The following ITGB4 variants were observed in gnomAD, a reference collection of about 807,000 sequenced individuals.
The protein encoded by ITGB4 is integrin subunit beta 4, also known as integrin beta-4.
Under a neutral mutation model 207.6 loss-of-function variants are expected in ITGB4, and 159 were observed. That is an observed-to-expected ratio of 0.77 (90% CI 0.67 to 0.87). The LOEUF is 0.87. ITGB4 is among the 40% of genes least tolerant of loss of function. The pLI is 0.00. For synonymous variants in ITGB4, 1,020 were observed against 1,062.7 expected (o/e 0.96, Z 0.78); for missense variants, 2,278 against 2,546.8 (o/e 0.89, Z 2.27).
chr17:75,738,675 C>T lies in ITGB4; in HGVS notation c.2221-997C>T, dbSNP rs558414870. 7.2e-5 allele frequency among the ~76,000 whole-genome samples: 11 copies of T among 152,356 alleles called. No individual in the cohort carries two copies. In the South Asian group the frequency reaches 8.3e-4, roughly 11 times the overall value. ...AAGGGCCCTGCCCGCCCGCAGCTGGCGGTCACTGGGGAGAACAGACAAGAG... is the reference window on the plus strand; with the variant it reads ...AAGGGCCCTGCCCGCCCGCAGCTGGTGGTCACTGGGGAGAACAGACAAGAG... On this transcript the variant is annotated intron_variant, in intron 18 of 39. Transcript: ENST00000200181.
chr17:75,728,535 C>T, intron 6 of ITGB4, 62 bp downstream of exon 6: 15 of 1,271,668 alleles, frequency 1.2e-5, no homozygotes, highest in Non-Finnish European at 1.7e-5. Context: ...CCCCACTCCT[C>T]TTTCACCCAC....
chr17:75,723,674 G>A (rs1034410201), intron 1 of ITGB4, among the ~76,000 whole-genome samples: 1 of 152,342 alleles, frequency 6.6e-6, no homozygotes, highest in South Asian at 2.1e-4. Context: ...CCAGCACCTC[G>A]GGGACCCCAG....
chr17:75,752,567 C>T lies in ITGB4; in HGVS notation c.4098C>T (p.Ser1366=), dbSNP rs745391276. 34 of 1,613,446 alleles carry T rather than the reference C, an allele frequency of 2.1e-5. No homozygotes were observed. The highest frequency in any genetic ancestry group is 1.8e-4 in the Admixed American group (11 of 60,010). The change falls in exon 32 of 40, where the codon TCC becomes TCT. Residue 1366 remains serine, a synonymous_variant. Coordinates refer to ENST00000200181, the MANE Select transcript of ITGB4 (RefSeq NM_000213.5). ...SPSGSQRPSV[S]DDTGCGWKFE... ...CGGGCAGCCAGAGGCCCAGCGTCTCCGATGACACTGGTGAGTGGAGACCTG... is the reference window on the plus strand; with the variant it reads ...CGGGCAGCCAGAGGCCCAGCGTCTCTGATGACACTGGTGAGTGGAGACCTG...
chr17:75,756,509 G>A lies in ITGB4; in HGVS notation c.4789G>A (p.Val1597Met), dbSNP rs555823505. The A allele has an allele frequency of 2.4e-5, 39 of 1,613,294 alleles. No individual in the cohort carries two copies. The highest frequency in any genetic ancestry group is 3.3e-5 in the Admixed American group (2 of 60,020). ...VEDLLPNHSY[V>M]FRVRAQSQEG... is the part of the protein sequence containing the mutation. Reference sequence around the variant, plus strand: ...AGACCTCCTGCCCAACCACTCCTACGTGTTCCGCGTGCGGGCCCAGAGCCA... The same window carrying A: ...AGACCTCCTGCCCAACCACTCCTACATGTTCCGCGTGCGGGCCCAGAGCCA... Residue 1597 changes from valine to methionine, a missense_variant, in exon 36 of 40, where the codon GTG (valine) becomes ATG (methionine). Val to Met is a conservative substitution (Grantham distance 21, BLOSUM62 1). Coordinates refer to ENST00000200181, the MANE Select transcript of ITGB4 (RefSeq NM_000213.5).
At position 75,727,048 on chromosome 17, in the gene ITGB4, G is replaced by A. The variant is rs919409190; in HGVS notation, c.80-147G>A. On this transcript the variant is annotated intron_variant, in intron 2 of 39. Coordinates refer to ENST00000200181, the MANE Select transcript of ITGB4 (RefSeq NM_000213.5). This position sits in a 1 kb window ranked among gnomAD's most constrained non-coding sequence, Gnocchi z 6.0. ...GGATCACGCCACTGCACTCCAGCCT[G>A]GGCAACAGAGCGAGACTCTGTCTCA... The A allele has an allele frequency of 1.4e-5, 10 of 705,142 alleles. No individual in the cohort carries two copies. Among genetic ancestry groups the A allele is most frequent in the African/African-American group, 7.0e-5 (4 of 56,904 alleles). 43.7% of individuals were successfully genotyped at this position (705,142 alleles called of 1,614,324 possible).
At position 75,722,860 on chromosome 17, in the gene ITGB4, G is replaced by A. The variant is rs2060644296; in HGVS notation, c.-11+1248G>A. Among the ~76,000 whole-genome samples, 1 of 151,626 alleles carries A rather than the reference G, an allele frequency of 6.6e-6. No individual in the cohort carries two copies. Among genetic ancestry groups the A allele is most frequent in the Admixed American group, 6.6e-5 (1 of 15,202 alleles). ...TCAGGGTGGCAGTCACACACTCCAG[G>A]GACCTGCTGGTACATAAAGTCGGGG... On this transcript the variant is annotated intron_variant, in intron 1 of 39. Coordinates refer to ENST00000200181, the MANE Select transcript of ITGB4 (RefSeq NM_000213.5). This position sits in a 1 kb window ranked among gnomAD's most constrained non-coding sequence, Gnocchi z 6.2.
rs765696800 is a variant in ITGB4 at position 75,736,558 on chromosome 17, C to T, written c.1861-7C>T. 1.1e-4 allele frequency: 176 copies of T among 1,595,260 alleles called. No homozygotes were observed. Among genetic ancestry groups the T allele is most frequent in the Non-Finnish European group, 1.3e-4 (149 of 1,171,570 alleles). The stretch of plus-strand genomic sequence containing the variant: ...AGTGCCTGTCTGCCCCGCCTTTCCC[C>T]GCCAAGATCCACCCGGGCCTCTGCG... On this transcript the variant is annotated splice_region_variant and splice_polypyrimidine_tract_variant and intron_variant, in intron 15 of 39. Coordinates refer to ENST00000200181, the MANE Select transcript of ITGB4 (RefSeq NM_000213.5).
Position 75,755,773 on chromosome 17 carries a change from T to C in ITGB4, c.4631T>C (p.Leu1544Pro). Residue 1544 changes from leucine to proline, a missense_variant, in exon 35 of 40, where the codon CTC (leucine) becomes CCC (proline). Leu to Pro is a moderately conservative substitution (Grantham distance 98). Coordinates refer to ENST00000200181, the MANE Select transcript of ITGB4 (RefSeq NM_000213.5). ...TTCTCTGCCCTGGGGCCCACATCTC[T>C]CAGAGTGAGCTGGCAGGAGCCGCGG... Reference protein sequence around the residue: ...LVFSALGPTSLRVSWQEPRCE... With the variant: ...LVFSALGPTSPRVSWQEPRCE... 1 of 1,612,632 alleles carries C rather than the reference T, an allele frequency of 6.2e-7. No individual in the cohort carries two copies. The highest frequency in any genetic ancestry group is 1.1e-5 in the South Asian group (1 of 91,080).
chr17:75,726,005 G>T (rs550996063), intron 2 of ITGB4, among the ~76,000 whole-genome samples: 1 of 152,344 alleles, frequency 6.6e-6, no homozygotes, highest in East Asian at 1.9e-4. Flanking sequence ...CAGGCCAGGG[G>T]GTGGCCAGGG....
At position 75,756,476 on chromosome 17, in the gene ITGB4, G is replaced by A. The variant is rs763846014; in HGVS notation, c.4756G>A (p.Val1586Met). The A allele has an allele frequency of 1.9e-6, 3 of 1,613,368 alleles. No homozygotes were observed. The highest frequency in any genetic ancestry group is 1.7e-5 in the Admixed American group (1 of 60,014). ...NIPNPAQTSVVVEDLLPNHSY... is the reference protein window; with the variant it reads ...NIPNPAQTSVMVEDLLPNHSY... ...CCCCAACCCTGCCCAGACCTCGGTG[G>A]TGGTGGAAGACCTCCTGCCCAACCA... is the stretch of plus-strand genomic sequence containing the variant. The change falls in exon 36 of 40, where the codon GTG (valine) becomes ATG (methionine). Residue 1586 changes from valine (V) to methionine (M), a missense_variant. Coordinates refer to ENST00000200181, the MANE Select transcript of ITGB4 (RefSeq NM_000213.5).
In ITGB4 at chr17:75,754,692, C is replaced by T; in HGVS notation, c.4435C>T (p.His1479Tyr). The change falls in exon 34 of 40, where the codon CAC becomes TAC. Residue 1479 changes from histidine to tyrosine, a missense_variant. Physicochemically the swap from His to Tyr is moderately conservative, Grantham distance 83. Coordinates refer to ENST00000200181, the MANE Select transcript of ITGB4 (RefSeq NM_000213.5). Reference sequence around the variant, plus strand: ...CACCCACCTGAGCCCACACGTGCCCCACCGCGTGCTAAGCACATCCTCCAC... The same window carrying T: ...CACCCACCTGAGCCCACACGTGCCCTACCGCGTGCTAAGCACATCCTCCAC... ...YGTHLSPHVP[H>Y]RVLSTSSTLT... The T allele has an allele frequency of 9.3e-6, 15 of 1,614,150 alleles. No homozygotes were observed. The highest frequency in any genetic ancestry group is 1.2e-5 in the Non-Finnish European group (14 of 1,180,012).
Position 75,740,213 on chromosome 17 carries a change from C to A in ITGB4, c.2446+142C>A. ...CACCTTTTGCCCTGTGCTGATGGTGCTATGAACCTCATGCCTCGGTGTGCG... is the reference window on the plus strand; with the variant it reads ...CACCTTTTGCCCTGTGCTGATGGTGATATGAACCTCATGCCTCGGTGTGCG... On this transcript the variant is annotated intron_variant, in intron 20 of 39. Transcript: ENST00000200181. The surrounding 1 kb of genome is among the most constrained non-coding windows in gnomAD (Gnocchi z 5.9). The A allele has an allele frequency of 1.7e-6, 2 of 1,204,680 alleles. No homozygotes were observed. Among genetic ancestry groups the A allele is most frequent in the African/African-American group, 1.5e-5 (1 of 66,952 alleles). The allele number at this position is 1,204,680 out of a possible 1,614,324, so 74.6% of individuals were successfully genotyped here. A position where few individuals can be genotyped will look rare whatever the true frequency, so the allele number is the denominator to read the frequency against.
chr17:75,742,883 C>A lies in ITGB4; in HGVS notation c.2962+122C>A. The A allele has an allele frequency of 2.2e-6, 2 of 901,978 alleles. No homozygotes were observed. Among genetic ancestry groups the A allele is most frequent in the Non-Finnish European group, 3.3e-6 (2 of 600,224 alleles). 55.9% of individuals were successfully genotyped at this position (901,978 alleles called of 1,614,324 possible). A position where few individuals can be genotyped will look rare whatever the true frequency, so the allele number is the denominator to read the frequency against. On this transcript the variant is annotated intron_variant, in intron 25 of 39. Coordinates refer to ENST00000200181, the MANE Select transcript of ITGB4 (RefSeq NM_000213.5). This position sits in a 1 kb window ranked among gnomAD's most constrained non-coding sequence, Gnocchi z 5.9. ...GGCTAGTCACTTAACCTCTGCAAGC[C>A]TTGGTTTCTCCATCTGTAAAATGGG...
Position 75,740,993 on chromosome 17 carries a change from A to C in ITGB4, c.2621A>C (p.Asn874Thr), listed in dbSNP as rs2061096476. Reference protein sequence around the residue: ...LQQTKFRQQPNAGKKQDHTIV... With the variant: ...LQQTKFRQQPTAGKKQDHTIV... The stretch of plus-strand genomic sequence containing the variant: ...CTTTGTCCCCACAGGCAGCAGCCCA[A>C]TGCCGGGAAAAAGTGAGTAGAAGAC... The change falls in exon 23 of 40, where the codon AAT becomes ACT. Residue 874 changes from asparagine (N) to threonine (T), a missense_variant. Transcript: ENST00000200181. This position sits in a 1 kb window ranked among gnomAD's most constrained non-coding sequence, Gnocchi z 5.9. 2.5e-6 allele frequency: 4 copies of C among 1,613,674 alleles called. No individual in the cohort carries two copies. The highest frequency in any genetic ancestry group is 1.1e-5 in the South Asian group (1 of 91,078).
rs368224521 is a variant in ITGB4 at position 75,727,962 on chromosome 17, T to G, written c.469+107T>G. Reference sequence around the variant, plus strand: ...GCTGCACCCACCCAGAAGGAAACACTGGACATTTGAGCCCCCAAAAACCTT... The same window carrying G: ...GCTGCACCCACCCAGAAGGAAACACGGGACATTTGAGCCCCCAAAAACCTT... On this transcript the variant is annotated intron_variant, in intron 5 of 39. Transcript: ENST00000200181. This position sits in a 1 kb window ranked among gnomAD's most constrained non-coding sequence, Gnocchi z 6.0. 6.1e-5 allele frequency: 62 copies of G among 1,023,790 alleles called. 1 individual carries two copies. The African/African-American group carries it at 8.6e-4, about 14-fold the overall frequency. The allele number at this position is 1,023,790 out of a possible 1,614,324, so 63.4% of individuals were successfully genotyped here.
In ITGB4 at chr17:75,742,810, A is replaced by C. The variant is rs557002013; in HGVS notation, c.2962+49A>C. The C allele has an allele frequency of 6.4e-7, 1 of 1,551,184 alleles. No homozygotes were observed. Among genetic ancestry groups the C allele is most frequent in the East Asian group, 2.3e-5 (1 of 43,588 alleles). ...GGAAGGCAGACGGGGGCTCGGGGGC[A>C]CTGGTTCCTCCTGCTTAAGTGGAAT... On this transcript the variant is annotated intron_variant, in intron 25 of 39. Transcript: ENST00000200181. This position sits in a 1 kb window ranked among gnomAD's most constrained non-coding sequence, Gnocchi z 5.9.
rs1414626502 is a variant in ITGB4, at chr17:75,732,648, C to A, written c.1454+409C>A. ...TTCAGGACACTGGGCGAGCTTGCCA[C>A]AACTTGAGGCAGAGCAGTGGGGAAA... On this transcript the variant is annotated intron_variant, in intron 12 of 39. Coordinates refer to ENST00000200181, the MANE Select transcript of ITGB4 (RefSeq NM_000213.5). The surrounding 1 kb of genome is among the most constrained non-coding windows in gnomAD (Gnocchi z 5.3). 3.9e-5 allele frequency among the ~76,000 whole-genome samples: 6 copies of A among 152,248 alleles called. No homozygotes were observed. The East Asian group carries it at 1.2e-3, about 29-fold the overall frequency.
intron 13 of ITGB4, among the ~76,000 whole-genome samples, chr17:75,735,217 A>AGT: frequency 6.6e-6 from 1 of 151,480 alleles, no homozygotes; most frequent in East Asian, 1.9e-4. Flanking sequence ...CCTCCCAAGA[A>AGT]GCTGGGATTA....
At chr17:75,728,308 G>A in intron 5 of ITGB4, 69 bp from the exon 6 acceptor site, 1 of 1,346,598 alleles carries the variant, frequency 7.4e-7, no homozygotes, top group South Asian at 1.2e-5. Flanking sequence ...GCCAGCCCTT[G>A]GTGGGGGGCC....
Sources: gnomAD v4.1 joint callset for allele counts (sites outside exome capture counted in the v4.1 genomes callset) on GRCh38, gnomAD v4.1.1 for gene constraint, Gnocchi (gnomAD v3.1) non-coding constraint, MANE v1.5 for transcripts, NCBI Gene and HGNC (gene_info 2026-07-23, HGNC 2026-07-21) for gene names.